Variants in TMCO6 observed in about 807,000 individuals in gnomAD.
The protein encoded by TMCO6 is transmembrane and coiled-coil domain-containing protein 6.
TMCO6 carries 47 observed loss-of-function variants against 61.8 expected under a neutral mutation model. That is an observed-to-expected ratio of 0.76 (90% CI 0.60 to 0.97). TMCO6 has a LOEUF of 0.97. Among genes scored for constraint, TMCO6 ranks in the 50% least tolerant of loss-of-function variants. The pLI is 0.00. For missense variants in TMCO6, 557 were observed against 601.6 expected (o/e 0.93, Z 0.78); for synonymous variants, 261 against 254.2 (o/e 1.03, Z -0.25).
chr5:140,607,791 C>CTTTT, the TMCO6 span, among the ~76,000 whole-genome samples: 1 of 138,046 alleles, frequency 7.2e-6, no homozygotes, highest in African/African-American at 2.7e-5. Flanking sequence ...TTTCTATTTT[C>CTTTT]TTTTTTTTTT....
the TMCO6 span, chr5:140,632,288 T>C: frequency 6.2e-7 from 1 of 1,613,944 alleles, no homozygotes; most frequent in Non-Finnish European, 8.5e-7. This position sits in a 1 kb window ranked among gnomAD's most constrained non-coding sequence, Gnocchi z 6.2. Context: ...TCTCCATTCC[T>C]GTGTTGCGCA....
chr5:140,632,303 T>TA, the TMCO6 span: 5 of 1,613,904 alleles, frequency 3.1e-6, no homozygotes, highest in Non-Finnish European at 4.2e-6. This position sits in a 1 kb window ranked among gnomAD's most constrained non-coding sequence, Gnocchi z 6.2. Context: ...TGCGCAGCGC[T>TA]AGATTCTGGA....
the TMCO6 span, chr5:140,633,151 G>T: frequency 6.3e-7 from 1 of 1,583,280 alleles, no homozygotes; most frequent in Non-Finnish European, 8.6e-7. Context: ...AGCGGCACCC[G>T]CCGGCTTCCA....
the TMCO6 span, among the ~76,000 whole-genome samples, chr5:140,620,629 CA>C: frequency 6.6e-6 from 1 of 152,106 alleles, no homozygotes; most frequent in African/African-American, 2.4e-5. Context: ...GTGTCAGACC[CA>C]GGGGTATATG....
In TMCO6 at chr5:140,643,627, G is replaced by A; in HGVS notation, c.870G>A (p.Leu290=). 6.2e-7 allele frequency: 1 copy of A among 1,614,092 alleles called. No individual in the cohort carries two copies. Among genetic ancestry groups the A allele is most frequent in the South Asian group, 1.1e-5 (1 of 91,080 alleles). Residue 290 remains leucine, a synonymous_variant, in exon 8 of 12, where the codon TTG becomes TTA. Coordinates refer to ENST00000394671, the MANE Select transcript of TMCO6 (RefSeq NM_018502.5). ...TGTCTACTCTGGGGTTGCTGCTGTT[G>A]GACTTGGCTGGGGCTGTCCAGAAAA... ...GALSTLGLLL[L]DLAGAVQKTE... is the part of the protein sequence containing the mutation.
At chr5:140,624,770 C>T in the TMCO6 span, among the ~76,000 whole-genome samples, 2 of 151,524 alleles carry the variant, frequency 1.3e-5, no homozygotes, top group South Asian at 4.2e-4. Flanking sequence ...TCAAGTGATC[C>T]ACCCACTTTG....
chr5:140,601,262 G>T, the TMCO6 span, among the ~76,000 whole-genome samples: 1 of 152,160 alleles, frequency 6.6e-6, no homozygotes, highest in African/African-American at 2.4e-5. Context: ...TTTTCTCACT[G>T]ATGTGCATAA....
Position 140,643,838 on chromosome 5 carries a change from CTG to C in TMCO6, c.980_981del (p.Val327GlyfsTer9). ...CTGCTAACTGAGGCAGCAGTGGAGACTGTGGGAGGGCAAATGCAGCTCAGAGA... is the reference window on the plus strand; with the variant it reads ...CTGCTAACTGAGGCAGCAGTGGAGACTGGGAGGGCAAATGCAGCTCAGAGA... On this transcript the variant is annotated frameshift_variant, in exon 9 of 12. Coordinates refer to ENST00000394671, the MANE Select transcript of TMCO6 (RefSeq NM_018502.5). LOFTEE classifies it high-confidence loss of function. 6.2e-7 allele frequency: 1 copy of C among 1,614,256 alleles called. No individual in the cohort carries two copies. Among genetic ancestry groups the C allele is most frequent in the South Asian group, 1.1e-5 (1 of 91,090 alleles).
Position 140,642,030 on chromosome 5 carries a change from T to C in TMCO6, c.475T>C (p.Ser159Pro), listed in dbSNP as rs1299726045. The part of the protein sequence containing the change: ...PATSYLLTYL[S>P]SHSSDFIELC... ...CACTTCTTACCTCCTCACCTACCTC[T>C]CCAGTCACAGCTCAGACTTCATAGT... Residue 159 changes from serine to proline, a missense_variant, in exon 4 of 12, where the codon TCC becomes CCC. Ser to Pro is a moderately conservative substitution (Grantham distance 74). Transcript: ENST00000394671. 3 of 1,610,732 alleles carry C rather than the reference T, an allele frequency of 1.9e-6. No individual in the cohort carries two copies. Among genetic ancestry groups the C allele is most frequent in the Non-Finnish European group, 2.5e-6 (3 of 1,177,250 alleles).
the TMCO6 span, among the ~76,000 whole-genome samples, chr5:140,605,467 G>A: frequency 6.6e-6 from 1 of 151,976 alleles, no homozygotes; most frequent in Non-Finnish European, 1.5e-5. Flanking sequence ...ATCACCTGAG[G>A]TCAGGAGTTC....
rs200343757 is a variant in TMCO6 at position 140,643,014 on chromosome 5, C to T, written c.779C>T (p.Ala260Val). The change falls in exon 7 of 12, where the codon GCC becomes GTC. Residue 260 changes from alanine to valine, a missense_variant. Transcript: ENST00000394671. ...KLNPGVAVEF[A>V]WCLHYIICSQ... Reference sequence around the variant, plus strand: ...AACCCTGGGGTCGCTGTGGAGTTTGCCTGGTGCCTTCATTACATCATCTGC... The same window carrying T: ...AACCCTGGGGTCGCTGTGGAGTTTGTCTGGTGCCTTCATTACATCATCTGC... 344 of 1,614,044 alleles carry T rather than the reference C, an allele frequency of 2.1e-4. No individual in the cohort carries two copies. The highest frequency in any genetic ancestry group is 2.8e-4 in the Non-Finnish European group (328 of 1,180,038).
chr5:140,625,608 C>G, the TMCO6 span, among the ~76,000 whole-genome samples: 1 of 152,202 alleles, frequency 6.6e-6, no homozygotes, highest in Non-Finnish European at 1.5e-5. Context: ...CCCCACAGCA[C>G]TTACCATCAT....
rs925270868 is a variant in TMCO6, at chr5:140,642,530, C to A, written c.604-56C>A. The stretch of plus-strand genomic sequence containing the variant: ...TGCCCTGTGCCAAGGGGCTGAAAGT[C>A]TCTGAAGACCTGATGACCCAGCTTC... On this transcript the variant is annotated intron_variant, in intron 5 of 11. Coordinates refer to ENST00000394671, the MANE Select transcript of TMCO6 (RefSeq NM_018502.5). The A allele has an allele frequency of 3.1e-5, 50 of 1,608,048 alleles. No individual in the cohort carries two copies. The African/African-American group carries it at 4.8e-4, about 15-fold the overall frequency.
chr5:140,632,444 T>C, the TMCO6 span: 1 of 1,614,196 alleles, frequency 6.2e-7, no homozygotes, highest in Non-Finnish European at 8.5e-7. This position sits in a 1 kb window ranked among gnomAD's most constrained non-coding sequence, Gnocchi z 6.2. Context: ...CAGGCGAGTG[T>C]GCTTGGGCAA....
rs1053950996 is a variant in TMCO6 at position 140,644,113 on chromosome 5, T to G, written c.1119T>G (p.Ser373Arg). Residue 373 changes from serine (S) to arginine (R), a missense_variant, in exon 10 of 12, where the codon AGT becomes AGG. Ser to Arg is a moderately radical substitution (Grantham distance 110). Coordinates refer to ENST00000394671, the MANE Select transcript of TMCO6 (RefSeq NM_018502.5). ...CTTCTCTTCCAGCAAACAGTCCTAGTTTCTGTACCTCCTTGCTCTCCCTGG... is the reference window on the plus strand; with the variant it reads ...CTTCTCTTCCAGCAAACAGTCCTAGGTTCTGTACCTCCTTGCTCTCCCTGG... The part of the protein sequence containing the change: ...LLNNLTANSP[S>R]FCTSLLSLDL... The G allele has an allele frequency of 6.2e-7, 1 of 1,614,208 alleles. No individual in the cohort carries two copies. The highest frequency in any genetic ancestry group is 8.5e-7 in the Non-Finnish European group (1 of 1,180,030).
At chr5:140,647,718 G>A (rs1354076002), downstream of TMCO6, 2 of 1,362,858 alleles carry the variant, frequency 1.5e-6, no homozygotes, top group Non-Finnish European at 1.0e-6. Flanking sequence ...TGATATAAAA[G>A]TATTGTAGGA....
the TMCO6 span, chr5:140,632,266 C>T: frequency 6.2e-7 from 1 of 1,613,718 alleles, no homozygotes. This position sits in a 1 kb window ranked among gnomAD's most constrained non-coding sequence, Gnocchi z 6.2. Context: ...GCGGCGCACA[C>T]GCCTGTGGGC....
the TMCO6 span, among the ~76,000 whole-genome samples, chr5:140,605,689 CAAA>C: frequency 1.1e-4 from 13 of 113,922 alleles, no homozygotes; most frequent in African/African-American, 5.0e-4. Context: ...CAAAAAAAAA[CAAA>C]ACACACACAC....
chr5:140,629,933 C>CAA, the TMCO6 span, among the ~76,000 whole-genome samples: 4 of 107,428 alleles, frequency 3.7e-5, no homozygotes, highest in African/African-American at 9.2e-5. Context: ...AACTCTGCCT[C>CAA]AAAAAAAAAA....
Sources: gnomAD v4.1 joint callset for allele counts (sites outside exome capture counted in the v4.1 genomes callset) on GRCh38, gnomAD v4.1.1 for gene constraint, Gnocchi (gnomAD v3.1) non-coding constraint, MANE v1.5 for transcripts, NCBI Gene and HGNC (gene_info 2026-07-23, HGNC 2026-07-21) for gene names.